LRTM1: variants seen among roughly 807,000 people sequenced by gnomAD.
LRTM1 encodes the protein leucine rich repeat transmembrane protein 1.
Under a neutral mutation model 32.4 loss-of-function variants are expected in LRTM1, and 38 were observed. The observed-to-expected ratio is 1.17, with a 90% CI of 0.91 to 1.54. The LOEUF is 1.54. Among genes scored for constraint, LRTM1 ranks in the 40% most tolerant of loss-of-function variants. The pLI is 0.00. For synonymous variants in LRTM1, 186 were observed against 169.9 expected (o/e 1.09, Z -0.74); for missense variants, 466 against 415.4 (o/e 1.12, Z -1.06).
At chr3:54,929,519 A>G (rs1450000681), upstream of LRTM1, among the ~76,000 whole-genome samples, 1 of 151,876 alleles carries the variant, frequency 6.6e-6, no homozygotes, top group Non-Finnish European at 1.5e-5. Flanking sequence ...TACTTTGTGG[A>G]CTCTTTCATC....
At chr3:54,936,358 C>T (rs1176824910) in intron 1 of LRTM1, among the ~76,000 whole-genome samples, 1 of 152,144 alleles carries the variant, frequency 6.6e-6, no homozygotes, top group Non-Finnish European at 1.5e-5. Flanking sequence ...ATTATAAAGC[C>T]TTTGTGTGTG....
At position 54,926,963 on chromosome 3, in the gene LRTM1, C is replaced by CT. The variant is rs369275911; in HGVS notation, c.7+941dup. 4.8e-3 allele frequency among the ~76,000 whole-genome samples: 727 copies of CT among 151,756 alleles called. 3 individuals carry two copies. Among genetic ancestry groups the CT allele is most frequent in the Non-Finnish European group, 8.2e-3 (555 of 67,898 alleles). On this transcript the variant is annotated intron_variant, in intron 1 of 2. Coordinates refer to ENST00000273286, the MANE Select transcript of LRTM1 (RefSeq NM_020678.4). Reference sequence around the variant, plus strand: ...ACCAAAGTAGCTGTAACACTCCCTTCTTTTTTTTTGAGACTTGAATTTCAA... The same window carrying CT: ...ACCAAAGTAGCTGTAACACTCCCTTCTTTTTTTTTTGAGACTTGAATTTCAA...
At chr3:54,920,410 AC>A (rs5849063) in intron 2 of LRTM1, among the ~76,000 whole-genome samples, 17,095 of 152,210 alleles carry the variant, frequency 0.11, 971 homozygotes, top group Middle Eastern at 0.15. Context: ...TGAATCACCC[AC>A]CACCAGAGTG....
At chr3:54,926,453 C>G (rs1026992276) in intron 1 of LRTM1, among the ~76,000 whole-genome samples, 1 of 151,732 alleles carries the variant, frequency 6.6e-6, no homozygotes, top group Non-Finnish European at 1.5e-5. Flanking sequence ...CACTTTTCCT[C>G]CCTCCAGAGT....
intron 1 of LRTM1, among the ~76,000 whole-genome samples, chr3:54,957,760 C>T (rs1036243945): frequency 2.0e-4 from 31 of 152,164 alleles, no homozygotes; most frequent in Admixed American, 3.3e-4. Flanking sequence ...CCATGCCAGT[C>T]CGTCTGTCAT....
chr3:54,947,746 A>G (rs1299276988), intron 1 of LRTM1, among the ~76,000 whole-genome samples: 1 of 152,140 alleles, frequency 6.6e-6, no homozygotes, highest in Non-Finnish European at 1.5e-5. Flanking sequence ...ATGTATTCCA[A>G]ATATGAAGGG....
chr3:54,943,202 G>T (rs1294103280), intron 1 of LRTM1, among the ~76,000 whole-genome samples: 1 of 86,154 alleles, frequency 1.2e-5, no homozygotes, highest in Admixed American at 1.6e-4. Flanking sequence ...GCTATCTCTG[G>T]TAAAAAAAAA....
At chr3:54,938,375 G>A (rs1474330057) in intron 1 of LRTM1, among the ~76,000 whole-genome samples, 3 of 152,146 alleles carry the variant, frequency 2.0e-5, no homozygotes, top group Admixed American at 6.5e-5. Flanking sequence ...GCAGCCCCTG[G>A]GGCCATCCAT....
chr3:54,927,592 T>G (rs961715291), intron 1 of LRTM1, among the ~76,000 whole-genome samples: 1 of 152,138 alleles, frequency 6.6e-6, no homozygotes, highest in East Asian at 1.9e-4. Context: ...TTGTTCATTC[T>G]TTCTTTGGTT....
intron 1 of LRTM1, among the ~76,000 whole-genome samples, chr3:54,943,656 G>A (rs1026443703): frequency 6.6e-6 from 1 of 151,534 alleles, no homozygotes; most frequent in Non-Finnish European, 1.5e-5. Flanking sequence ...TTTCCCCCAT[G>A]TGTTTCATCA....
intron 1 of LRTM1, among the ~76,000 whole-genome samples, chr3:54,950,751 C>T (rs2107014521): frequency 6.6e-6 from 1 of 152,244 alleles, no homozygotes; most frequent in South Asian, 2.1e-4. Context: ...TGAGCTGAGC[C>T]TCAGATACCA....
At chr3:54,936,397 A>C (rs1307764133) in intron 1 of LRTM1, among the ~76,000 whole-genome samples, 1 of 152,140 alleles carries the variant, frequency 6.6e-6, no homozygotes, top group Non-Finnish European at 1.5e-5. Flanking sequence ...ATCTCAGTGA[A>C]TTTGTGCTCT....
chr3:54,949,606 T>C (rs1701704492), intron 1 of LRTM1, among the ~76,000 whole-genome samples: 1 of 152,164 alleles, frequency 6.6e-6, no homozygotes, highest in Admixed American at 6.5e-5. Context: ...TCAGGGCACA[T>C]TATCAACATT....
At chr3:54,919,232 A>G (rs1373762003) in intron 2 of LRTM1, among the ~76,000 whole-genome samples, 2 of 152,242 alleles carry the variant, frequency 1.3e-5, no homozygotes, top group African/African-American at 4.8e-5. Context: ...TGCCCACTGC[A>G]TTCGTGCCAC....
At chr3:54,940,759 T>C (rs1398101391) in intron 1 of LRTM1, among the ~76,000 whole-genome samples, 2 of 152,156 alleles carry the variant, frequency 1.3e-5, no homozygotes, top group Non-Finnish European at 2.9e-5. Context: ...TATTATTCAG[T>C]TTATTTTTGC....
rs549309296 is a variant in LRTM1, at chr3:54,918,278, C to G, written c.*181G>C. 5 of 635,224 alleles carry G rather than the reference C, an allele frequency of 7.9e-6. No individual in the cohort carries two copies. The African/African-American group carries it at 9.5e-5, about 12-fold the overall frequency. 39.3% of individuals were successfully genotyped at this position (635,224 alleles called of 1,614,324 possible). ...ATTTTACCTATAGTATTTTAAAAAT[C>G]GCAACATAAATTCCTCCCCAGAAAT... On this transcript the variant is annotated 3_prime_UTR_variant, in exon 3 of 3. Coordinates refer to ENST00000273286, the MANE Select transcript of LRTM1 (RefSeq NM_020678.4).
At chr3:54,928,669 CTGCTTGCTTGCT>C (rs750974664), upstream of LRTM1, among the ~76,000 whole-genome samples, 2 of 152,104 alleles carry the variant, frequency 1.3e-5, no homozygotes, top group African/African-American at 2.4e-5. Flanking sequence ...AACTTCTCAG[CTGCTTGCTTGCT>C]TGCTTGCTTG....
upstream of LRTM1, among the ~76,000 whole-genome samples, chr3:54,932,430 A>T (rs1472186831): frequency 1.3e-5 from 2 of 152,158 alleles, no homozygotes; most frequent in East Asian, 3.9e-4. Context: ...TGGAGGGGAG[A>T]CTAAAGAAAA....
chr3:54,929,340 C>T (rs1261823634), upstream of LRTM1, among the ~76,000 whole-genome samples: 4 of 152,160 alleles, frequency 2.6e-5, no homozygotes, highest in East Asian at 7.7e-4. Flanking sequence ...TGTATGCTGC[C>T]AACTTCTGAG....
Sources: gnomAD v4.1 joint callset for allele counts (sites outside exome capture counted in the v4.1 genomes callset) on GRCh38, gnomAD v4.1.1 for gene constraint, MANE v1.5 for transcripts, NCBI Gene and HGNC (gene_info 2026-07-23, HGNC 2026-07-21) for gene names.